Variants in GRID2 observed in about 807,000 individuals in gnomAD.
GRID2 encodes the protein glutamate ionotropic receptor delta type subunit 2.
GRID2 carries 33 observed loss-of-function variants against 114.8 expected under a neutral mutation model. The ratio of observed to expected loss-of-function variants is 0.29; its 90% CI spans 0.22 to 0.38. The LOEUF is 0.38. GRID2 is among the 10% of genes least tolerant of loss of function. GRID2 has a pLI of 1.00. For synonymous variants in GRID2, 505 were observed against 449.9 expected, an observed-to-expected ratio of 1.12 and a Z score of -1.55; for missense variants, 1,184 against 1,257.7, an observed-to-expected ratio of 0.94 and a Z score of 0.89.
At chr4:92,317,257 A>C (rs979279076) in intron 1 of GRID2, among the ~76,000 whole-genome samples, 1 of 152,246 alleles carries the variant, frequency 6.6e-6, no homozygotes, top group African/African-American at 2.4e-5. Context: ...GACATTTATG[A>C]CATTTGACAT....
At chr4:93,700,661 T>C (rs2110138116) in intron 14 of GRID2, among the ~76,000 whole-genome samples, 1 of 152,300 alleles carries the variant, frequency 6.6e-6, no homozygotes, top group East Asian at 1.9e-4. Flanking sequence ...GGCAATTTTA[T>C]CTGAGGGTTC....
At chr4:93,070,930 A>G (rs1728751608) in intron 2 of GRID2, among the ~76,000 whole-genome samples, 1 of 152,126 alleles carries the variant, frequency 6.6e-6, no homozygotes, top group Non-Finnish European at 1.5e-5. Context: ...TTATTACGTT[A>G]TACTCACAGT....
chr4:92,576,431 A>T (rs374169010), intron 1 of GRID2, among the ~76,000 whole-genome samples: 4 of 152,152 alleles, frequency 2.6e-5, no homozygotes, highest in African/African-American at 4.8e-5. Flanking sequence ...CTGGATTCCA[A>T]ACCAGTGGGT....
intron 2 of GRID2, among the ~76,000 whole-genome samples, chr4:92,769,667 A>G (rs1738443125): frequency 6.6e-6 from 1 of 152,174 alleles, no homozygotes; most frequent in South Asian, 2.1e-4. Context: ...TGCAGGCTCA[A>G]CACCACATGG....
intron 1 of GRID2, among the ~76,000 whole-genome samples, chr4:92,384,012 A>C (rs1026391841): frequency 6.6e-6 from 1 of 151,952 alleles, no homozygotes; most frequent in Non-Finnish European, 1.5e-5. Flanking sequence ...CTTAATGGAA[A>C]TATCTTAAGC....
At chr4:93,183,597 G>T (rs1740112603) in intron 4 of GRID2, among the ~76,000 whole-genome samples, 2 of 152,120 alleles carry the variant, frequency 1.3e-5, no homozygotes, top group Non-Finnish European at 2.9e-5. Flanking sequence ...ATTACTGCCA[G>T]ACATTGAACA....
At chr4:93,767,874 T>C (rs1310729140) in intron 14 of GRID2, among the ~76,000 whole-genome samples, 1 of 152,200 alleles carries the variant, frequency 6.6e-6, no homozygotes, top group Non-Finnish European at 1.5e-5. Context: ...AGTCTAATTA[T>C]GTAAAAATTA....
intron 1 of GRID2, among the ~76,000 whole-genome samples, chr4:92,589,148 A>C (rs969082687): frequency 1.3e-5 from 2 of 152,136 alleles, no homozygotes; most frequent in African/African-American, 4.8e-5. Context: ...AGCAGTGAAA[A>C]GATAAAGCCA....
intron 4 of GRID2, among the ~76,000 whole-genome samples, chr4:93,195,438 A>G (rs1350684101): frequency 6.6e-6 from 1 of 152,166 alleles, no homozygotes; most frequent in Non-Finnish European, 1.5e-5. Context: ...AGAGACTGAA[A>G]CATTTATGTA....
intron 7 of GRID2, 55 bp from the exon 8 acceptor site, chr4:93,238,315 AT>A: frequency 1.5e-6 from 2 of 1,317,228 alleles, no homozygotes; most frequent in East Asian, 2.5e-5. Flanking sequence ...TTTTATGTTT[AT>A]TTATTTATTT....
chr4:92,792,878 C>T (rs1036103330), intron 2 of GRID2, among the ~76,000 whole-genome samples: 10 of 148,202 alleles, frequency 6.7e-5, no homozygotes, highest in South Asian at 2.1e-4. Context: ...CCAGGACCAG[C>T]GACTCATAAT....
intron 11 of GRID2, among the ~76,000 whole-genome samples, chr4:93,488,873 A>T (rs1726685327): frequency 6.6e-6 from 1 of 151,958 alleles, no homozygotes; most frequent in Non-Finnish European, 1.5e-5. Flanking sequence ...GACACCAGTC[A>T]TATCGGATTA....
intron 9 of GRID2, among the ~76,000 whole-genome samples, chr4:93,413,157 T>C (rs545411705): frequency 4.7e-4 from 72 of 152,268 alleles, no homozygotes; most frequent in Non-Finnish European, 9.6e-4. Context: ...TTCTAGATCC[T>C]TGAGGAATCG....
intron 2 of GRID2, among the ~76,000 whole-genome samples, chr4:92,968,381 A>T (rs547702718): frequency 1.1e-4 from 16 of 152,072 alleles, no homozygotes; most frequent in African/African-American, 3.4e-4. Flanking sequence ...ACTATTCTGG[A>T]TTGCATGTCT....
At position 93,455,966 on chromosome 4, in the gene GRID2, TACA is replaced by T; in HGVS notation, c.1855_1857del (p.Gln619del). Reference sequence around the variant, plus strand: ...ATGTGGTTTGTGTATGGATCTTTTGTACAACAAGGTAAGGAGCAAAAGTACATT... The same window carrying T: ...ATGTGGTTTGTGTATGGATCTTTTGTACAAGGTAAGGAGCAAAAGTACATT... On this transcript the variant is annotated inframe_deletion, in exon 11 of 16. Transcript: ENST00000282020. The T allele has an allele frequency of 6.3e-7, 1 of 1,577,880 alleles. No homozygotes were observed. Among genetic ancestry groups the T allele is most frequent in the Non-Finnish European group, 8.7e-7 (1 of 1,146,990 alleles).
intron 4 of GRID2, among the ~76,000 whole-genome samples, chr4:93,112,786 C>G (rs1178499035): frequency 6.6e-6 from 1 of 152,098 alleles, no homozygotes; most frequent in African/African-American, 2.4e-5. Flanking sequence ...AGGAACTGTT[C>G]TAAGCCTCCC....
At chr4:93,565,604 T>C (rs1735337353) in intron 13 of GRID2, among the ~76,000 whole-genome samples, 1 of 152,190 alleles carries the variant, frequency 6.6e-6, no homozygotes, top group Non-Finnish European at 1.5e-5. Flanking sequence ...CAATCTCTAA[T>C]AAAGTCAATA....
intron 8 of GRID2, among the ~76,000 whole-genome samples, chr4:93,311,547 G>C (rs1756015671): frequency 6.6e-6 from 1 of 152,126 alleles, no homozygotes; most frequent in South Asian, 2.1e-4. Flanking sequence ...AATGAGGCAG[G>C]GATTACTTTT....
At chr4:92,444,097 T>C (rs1393290852) in intron 1 of GRID2, among the ~76,000 whole-genome samples, 1 of 152,198 alleles carries the variant, frequency 6.6e-6, no homozygotes. Flanking sequence ...CTGGTCAGTC[T>C]GAGGACCTGA....
Sources: gnomAD v4.1 joint callset for allele counts (sites outside exome capture counted in the v4.1 genomes callset) on GRCh38, gnomAD v4.1.1 for gene constraint, MANE v1.5 for transcripts, NCBI Gene and HGNC (gene_info 2026-07-23, HGNC 2026-07-21) for gene names.